INSYN2B: variants seen among roughly 807,000 people sequenced by gnomAD.
The protein encoded by INSYN2B is protein INSYN2B.
Under a neutral mutation model 41.2 loss-of-function variants are expected in INSYN2B, and 16 were observed. The ratio of observed to expected loss-of-function variants is 0.39; its 90% CI spans 0.26 to 0.59. INSYN2B has a LOEUF of 0.59. Ranked by LOEUF, INSYN2B falls within the 20% of genes least tolerant of loss-of-function variation. The pLI is 0.57. For synonymous variants in INSYN2B, 245 were observed against 244.4 expected (o/e 1.00, Z -0.02); for missense variants, 608 against 646.4 (o/e 0.94, Z 0.64).
Position 169,861,649 on chromosome 5 carries a change from A to G in INSYN2B, c.*2624T>C, listed in dbSNP as rs1343623388. Among the ~76,000 whole-genome samples, 1 of 152,238 alleles carries G rather than the reference A, an allele frequency of 6.6e-6. No individual in the cohort carries two copies. Among genetic ancestry groups the G allele is most frequent in the Admixed American group, 6.5e-5 (1 of 15,284 alleles). ...AGATGTTACGTAATATTTTACAAAG[A>G]AGCAGTGATTTTCACATGAATAAGT... is the stretch of plus-strand genomic sequence containing the variant. On this transcript the variant is annotated 3_prime_UTR_variant, in exon 4 of 4. Transcript: ENST00000377365.
intron 1 of INSYN2B, among the ~76,000 whole-genome samples, chr5:169,959,347 T>A (rs963140354): frequency 4.6e-4 from 69 of 150,948 alleles, no homozygotes; most frequent in Middle Eastern, 3.4e-3. Context: ...CCAGCCTGGG[T>A]GACAGAGAGA....
chr5:169,918,335 G>A (rs1417204703), intron 1 of INSYN2B, among the ~76,000 whole-genome samples: 1 of 152,266 alleles, frequency 6.6e-6, no homozygotes, highest in African/African-American at 2.4e-5. Flanking sequence ...ATAACCCAGC[G>A]ATTCTTCTGC....
chr5:169,930,586 G>C (rs1363670625), intron 1 of INSYN2B, among the ~76,000 whole-genome samples: 2 of 152,224 alleles, frequency 1.3e-5, no homozygotes, highest in African/African-American at 2.4e-5. Context: ...CTTTAAAAAT[G>C]AATGTGGTGG....
intron 1 of INSYN2B, among the ~76,000 whole-genome samples, chr5:169,978,403 G>GA (rs1561863742): frequency 2.2e-5 from 3 of 133,366 alleles, no homozygotes; most frequent in Non-Finnish European, 4.9e-5. Context: ...GGGGGGGGGG[G>GA]GGTGTAGGTG....
intron 1 of INSYN2B, among the ~76,000 whole-genome samples, chr5:169,970,002 G>T (rs1307004994): frequency 6.6e-6 from 1 of 152,212 alleles, no homozygotes; most frequent in Admixed American, 6.5e-5. Flanking sequence ...ATTTCTGTGG[G>T]CTATGTGAGG....
At chr5:169,872,061 A>G (rs1358145964) in intron 3 of INSYN2B, among the ~76,000 whole-genome samples, 2 of 151,840 alleles carry the variant, frequency 1.3e-5, no homozygotes, top group African/African-American at 4.8e-5. Context: ...CATCAACTAC[A>G]CTCTAAGCAA....
At chr5:169,911,971 G>A (rs1422484824) in intron 1 of INSYN2B, among the ~76,000 whole-genome samples, 1 of 152,098 alleles carries the variant, frequency 6.6e-6, no homozygotes, top group East Asian at 1.9e-4. Flanking sequence ...GGTTGAAATT[G>A]TTCTCTCTAG....
chr5:169,967,002 A>G (rs1777325803), intron 1 of INSYN2B, among the ~76,000 whole-genome samples: 1 of 152,242 alleles, frequency 6.6e-6, no homozygotes, highest in Non-Finnish European at 1.5e-5. Context: ...ATCTGAGACC[A>G]TATTATATAT....
rs779165096 is a variant in INSYN2B at position 169,883,494 on chromosome 5, G to A, written c.405C>T (p.Asn135=). ...CAATGTCCTGTTCAGAGAGGTTACCGTTGACCTGGATGGCACTTTGGGAGG... is the reference window on the plus strand; with the variant it reads ...CAATGTCCTGTTCAGAGAGGTTACCATTGACCTGGATGGCACTTTGGGAGG... ...PTASQSAIQV[N]GNLSEQDIVS... is the part of the protein sequence containing the mutation. Residue 135 remains asparagine, a synonymous_variant, in exon 2 of 4, where the codon AAC becomes AAT. Transcript: ENST00000377365. 70 of 1,551,498 alleles carry A rather than the reference G, an allele frequency of 4.5e-5. No homozygotes were observed. The highest frequency in any genetic ancestry group is 7.8e-5 in the Admixed American group (4 of 50,980).
intron 1 of INSYN2B, among the ~76,000 whole-genome samples, chr5:169,931,177 G>A (rs6862278): frequency 0.1 from 15,482 of 152,206 alleles, 1,789 homozygotes; most frequent in African/African-American, 0.29. Context: ...AGTCATGAAA[G>A]TTACCTTCCT....
At chr5:169,916,498 T>G (rs1408929892) in intron 1 of INSYN2B, among the ~76,000 whole-genome samples, 3 of 152,208 alleles carry the variant, frequency 2.0e-5, no homozygotes, top group Non-Finnish European at 4.4e-5. Flanking sequence ...ACGCTAGAAT[T>G]GGAACCATGG....
chr5:169,864,825 A>G (rs1430808755), intron 3 of INSYN2B, among the ~76,000 whole-genome samples: 1 of 152,224 alleles, frequency 6.6e-6, no homozygotes, highest in African/African-American at 2.4e-5. Context: ...ATGCAGAGGA[A>G]CAGACAAGAA....
At chr5:169,954,382 A>G (rs1776784043) in intron 1 of INSYN2B, among the ~76,000 whole-genome samples, 1 of 152,250 alleles carries the variant, frequency 6.6e-6, no homozygotes, top group African/African-American at 2.4e-5. Context: ...CATTTAATTA[A>G]GCTTTTATCT....
intron 1 of INSYN2B, among the ~76,000 whole-genome samples, chr5:169,940,118 C>T (rs558231568): frequency 6.6e-6 from 1 of 152,250 alleles, no homozygotes; most frequent in South Asian, 2.1e-4. Flanking sequence ...TGGTCCCCTC[C>T]GTCTATTGAA....
chr5:169,888,055 A>G (rs937628616), intron 1 of INSYN2B, among the ~76,000 whole-genome samples: 1 of 151,630 alleles, frequency 6.6e-6, no homozygotes, highest in African/African-American at 2.4e-5. Flanking sequence ...AAAGTTGAAA[A>G]TGAAAATTTG....
intron 1 of INSYN2B, among the ~76,000 whole-genome samples, chr5:169,909,457 AG>A (rs1774471796): frequency 6.6e-6 from 1 of 152,222 alleles, no homozygotes; most frequent in South Asian, 2.1e-4. Context: ...TTTTTGAAGA[AG>A]AAAGTCTAAA....
intron 1 of INSYN2B, among the ~76,000 whole-genome samples, chr5:169,914,663 T>A (rs1022707517): frequency 6.6e-6 from 1 of 152,218 alleles, no homozygotes; most frequent in African/African-American, 2.4e-5. Context: ...ATTTCTGGCA[T>A]CTTAGTAGTA....
intron 1 of INSYN2B, among the ~76,000 whole-genome samples, chr5:169,925,181 G>C (rs1775368919): frequency 6.6e-6 from 1 of 152,184 alleles, no homozygotes; most frequent in African/African-American, 2.4e-5. Flanking sequence ...GGACTCTGTA[G>C]TAGGGAGCTG....
chr5:169,926,174 C>T (rs1340511225), intron 1 of INSYN2B, among the ~76,000 whole-genome samples: 10 of 152,098 alleles, frequency 6.6e-5, no homozygotes, highest in South Asian at 6.2e-4. Context: ...TTCCTATAGT[C>T]GGCATGGATG....
Sources: allele counts gnomAD v4.1 joint callset (sites outside exome capture counted in the v4.1 genomes callset), GRCh38; gene constraint gnomAD v4.1.1; transcripts MANE v1.5; gene names NCBI Gene and HGNC (gene_info 2026-07-23, HGNC 2026-07-21).